Variants in RAB38 observed in about 807,000 individuals in gnomAD.
RAB38 encodes the protein ras-related protein Rab-38.
A neutral mutation model predicts 18.4 loss-of-function variants in RAB38; 15 were observed. That is an observed-to-expected ratio of 0.82 (90% confidence interval 0.55 to 1.26). The LOEUF is 1.26. RAB38 is among the 50% of genes most tolerant of loss of function. The pLI, the probability that RAB38 is intolerant of heterozygous loss-of-function variation, is 0.00. For synonymous variants in RAB38, 101 were observed against 104.4 expected (o/e 0.97, Z 0.20); for missense variants, 294 against 267.4 (o/e 1.10, Z -0.69).
At chr11:87,888,607 T>C in the RAB38 span, among the ~76,000 whole-genome samples, 1 of 151,924 alleles carries the variant, frequency 6.6e-6, no homozygotes, top group Non-Finnish European at 1.5e-5. Flanking sequence ...TTCCTTCTTC[T>C]TCAGCTGCTC....
chr11:88,085,018 A>AAGG, the RAB38 span, among the ~76,000 whole-genome samples: 1 of 151,932 alleles, frequency 6.6e-6, no homozygotes, highest in Non-Finnish European at 1.5e-5. Flanking sequence ...ATTCGATAAG[A>AAGG]GTTTAGTAAC....
At chr11:88,073,495 AAAAG>A in the RAB38 span, among the ~76,000 whole-genome samples, 1 of 152,220 alleles carries the variant, frequency 6.6e-6, no homozygotes, top group African/African-American at 2.4e-5. Context: ...AGGGAAAAAG[AAAAG>A]AAAGAGAGAG....
chr11:88,117,764 T>C (rs76371158), intron 2 of RAB38, among the ~76,000 whole-genome samples: 2,293 of 152,238 alleles, frequency 0.015, 55 homozygotes, highest in African/African-American at 0.052. Context: ...TCCTCATCTG[T>C]AAAAGAGAGA....
At chr11:87,937,084 G>C in the RAB38 span, among the ~76,000 whole-genome samples, 1 of 151,622 alleles carries the variant, frequency 6.6e-6, no homozygotes, top group South Asian at 2.1e-4. Context: ...CTTTAATCAT[G>C]AAGTATAATT....
chr11:87,871,878 A>C, the RAB38 span, among the ~76,000 whole-genome samples: 1 of 151,588 alleles, frequency 6.6e-6, no homozygotes, highest in Admixed American at 6.6e-5. Context: ...CTGAATGAAC[A>C]TACCCCATAT....
At chr11:87,825,146 C>T in the RAB38 span, among the ~76,000 whole-genome samples, 1 of 152,076 alleles carries the variant, frequency 6.6e-6, no homozygotes, top group Admixed American at 6.6e-5. Flanking sequence ...AATCCTACAT[C>T]TAGTCATTCA....
the RAB38 span, among the ~76,000 whole-genome samples, chr11:88,097,669 A>C: frequency 0.015 from 2,289 of 151,810 alleles, 54 homozygotes; most frequent in African/African-American, 0.053. Context: ...TTCATCCCTT[A>C]ATTTCCTGTT....
At chr11:87,886,984 C>T in the RAB38 span, among the ~76,000 whole-genome samples, 1 of 151,786 alleles carries the variant, frequency 6.6e-6, no homozygotes, top group African/African-American at 2.4e-5. Context: ...AGTAAAAGCC[C>T]GAGAGTAAAA....
chr11:87,886,624 A>G, the RAB38 span, among the ~76,000 whole-genome samples: 52 of 151,910 alleles, frequency 3.4e-4, no homozygotes, highest in Admixed American at 5.9e-4. Context: ...GGAAATTGCT[A>G]TTACATTAAC....
chr11:87,978,058 T>C, the RAB38 span, among the ~76,000 whole-genome samples: 1 of 112,824 alleles, frequency 8.9e-6, no homozygotes, highest in African/African-American at 3.5e-5. Flanking sequence ...TTTTATCATA[T>C]ATACATCATA....
chr11:87,818,585 T>C, the RAB38 span, among the ~76,000 whole-genome samples: 33 of 152,244 alleles, frequency 2.2e-4, no homozygotes, highest in East Asian at 6.2e-3. Context: ...ACCTCTCAAA[T>C]AGAAATTTTT....
At chr11:88,086,619 T>C in the RAB38 span, among the ~76,000 whole-genome samples, 1 of 151,930 alleles carries the variant, frequency 6.6e-6, no homozygotes, top group East Asian at 1.9e-4. Flanking sequence ...TTTAGATTGA[T>C]CAATCAAATG....
rs866423408 is a variant in RAB38 at position 88,151,986 on chromosome 11, A to G, written c.203-2031T>C. Among the ~76,000 whole-genome samples, 8 of 152,242 alleles carry G rather than the reference A, an allele frequency of 5.3e-5. 1 individual carries two copies. Among genetic ancestry groups the G allele is most frequent in the Admixed American group, 3.3e-4 (5 of 15,290 alleles). On this transcript the variant is annotated intron_variant, in intron 1 of 2. Transcript: ENST00000243662. ...TATCCCACAGTTGCCTAGTCAACGAAAGAAAGGGGCAAAATACTGTCCACA... is the reference window on the plus strand; with the variant it reads ...TATCCCACAGTTGCCTAGTCAACGAGAGAAAGGGGCAAAATACTGTCCACA...
chr11:88,074,271 A>G, the RAB38 span, among the ~76,000 whole-genome samples: 1 of 152,188 alleles, frequency 6.6e-6, no homozygotes, highest in African/African-American at 2.4e-5. Flanking sequence ...GTGATGTGAA[A>G]TACACCCATA....
the RAB38 span, among the ~76,000 whole-genome samples, chr11:88,094,206 C>T: frequency 6.6e-6 from 1 of 151,820 alleles, no homozygotes. Context: ...GGTGCTTTTC[C>T]CAATATACCA....
chr11:87,972,575 C>T, the RAB38 span, among the ~76,000 whole-genome samples: 5 of 152,044 alleles, frequency 3.3e-5, no homozygotes, highest in Admixed American at 3.3e-4. Flanking sequence ...GTACAATAGA[C>T]CCACACCTAC....
At chr11:87,959,600 C>T in the RAB38 span, among the ~76,000 whole-genome samples, 2 of 152,188 alleles carry the variant, frequency 1.3e-5, no homozygotes, top group Non-Finnish European at 2.9e-5. Context: ...CCAGCCAGCT[C>T]ATAGACGCAT....
At chr11:87,834,540 A>T in the RAB38 span, among the ~76,000 whole-genome samples, 17 of 152,334 alleles carry the variant, frequency 1.1e-4, no homozygotes, top group Non-Finnish European at 2.4e-4. Context: ...AGATGAAGAA[A>T]TGGGGAGTGC....
At chr11:87,929,826 G>A in the RAB38 span, among the ~76,000 whole-genome samples, 1 of 146,188 alleles carries the variant, frequency 6.8e-6, no homozygotes, top group African/African-American at 2.5e-5. Context: ...TTGATTTTTT[G>A]TCCTTGCGAT....
Sources: gnomAD v4.1 joint callset for allele counts (sites outside exome capture counted in the v4.1 genomes callset) on GRCh38, gnomAD v4.1.1 for gene constraint, MANE v1.5 for transcripts, NCBI Gene and HGNC (gene_info 2026-07-23, HGNC 2026-07-21) for gene names.